Variants in TAF9B observed in about 807,000 individuals in gnomAD.
TAF9B encodes TATA-box binding protein associated factor 9b.
Under a neutral mutation model 17.6 loss-of-function variants are expected in TAF9B, and 47 were observed. The ratio of observed to expected loss-of-function variants is 2.68; its 90% CI spans 2.12 to 3.41. The LOEUF is 3.41. TAF9B is among the 30% of genes most tolerant of loss of function. The pLI is 0.00. For synonymous variants in TAF9B, 84 were observed against 68.7 expected (o/e 1.22, Z -1.10); for missense variants, 218 against 189.3 (o/e 1.15, Z -0.89).
chrX:78,133,530 T>G, intron 5 of TAF9B, 82 bp from the exon 6 acceptor site: 1 of 700,457 alleles, frequency 1.4e-6, no homozygotes, highest in Non-Finnish European at 2.2e-6. Flanking sequence ...GCAAACTATC[T>G]TCAAAGCAAA....
chrX:78,139,115 ATTTTT>A (rs782191362), intron 1 of TAF9B, among the ~76,000 whole-genome samples, 191 bp from the exon 2 acceptor site: 1,422 of 110,570 alleles, frequency 0.013, 20 homozygotes, highest in African/African-American at 0.045. Flanking sequence ...GAAAACTTTT[ATTTTT>A]ATTTTTTGGC....
At position 78,137,600 on chromosome X, in the gene TAF9B, C is replaced by T. The variant is rs965917103; in HGVS notation, c.405+149G>A. ...AGTTAGATGAACACTAAAGTTCCAT[C>T]TAGCTCGAAAATTTTTTAAAATTAA... On this transcript the variant is annotated intron_variant, in intron 4 of 6. Coordinates refer to ENST00000341864, the MANE Select transcript of TAF9B (RefSeq NM_015975.5). 1.0e-5 allele frequency: 5 copies of T among 490,952 alleles called. No individual in the cohort carries two copies. In the Admixed American group the frequency reaches 2.0e-4, roughly 20 times the overall value. The allele number at this position is 490,952 out of a possible 1,213,427, so 40.5% of individuals were successfully genotyped here. A position where few individuals can be genotyped will look rare whatever the true frequency, so the allele number is the denominator to read the frequency against.
chrX:78,133,529 C>A, intron 5 of TAF9B, 81 bp from the exon 6 acceptor site: 2 of 694,965 alleles, frequency 2.9e-6, no homozygotes, highest in Non-Finnish European at 4.5e-6. Flanking sequence ...CGCAAACTAT[C>A]TTCAAAGCAA....
intron 1 of TAF9B, 126 bp from the exon 2 acceptor site, chrX:78,139,050 C>G (rs1557250423): frequency 4.0e-6 from 2 of 504,456 alleles, no homozygotes; most frequent in Admixed American, 3.9e-5. Flanking sequence ...CCTACTCACC[C>G]TTGCCCTCCC....
intron 5 of TAF9B, among the ~76,000 whole-genome samples, chrX:78,135,093 C>T (rs1188868975): frequency 1.9e-5 from 2 of 104,415 alleles, no homozygotes; most frequent in African/African-American, 7.0e-5. Context: ...GCTGGGATTA[C>T]AGGCACCCGC....
rs782620869 is a variant in TAF9B at position 78,131,685 on chromosome X, C to T, written c.681G>A (p.Ser227=). ...TTGCTTCATTGGCTGTGTTCTGTGA[C>T]GAAACCATGTTGGTGGTAATAAGAA... The part of the protein sequence containing the change: ...KNILITTNMV[S]SQNTANEANP... Residue 227 remains serine, a synonymous_variant, in exon 7 of 7, where the codon TCG becomes TCA. Transcript: ENST00000341864. The T allele has an allele frequency of 1.3e-5, 16 of 1,208,465 alleles. No individual in the cohort carries two copies. The highest frequency in any genetic ancestry group is 3.5e-5 in the South Asian group (2 of 56,759).
chrX:78,131,753 G>A lies in TAF9B; in HGVS notation c.613C>T (p.Gln205Ter). ...VKPVPATTAV[Q>*]NVLINPSMIG... ...ATTGAAGGATTAATCAGAACATTTT[G>A]AACTGCAGTTGTTGCAGGAACTGTA... The change falls in exon 7 of 7, where the codon CAA becomes TAA. Residue 205 changes from glutamine to a stop codon, truncating the protein, a stop_gained. Transcript: ENST00000341864. LOFTEE classifies it high-confidence loss of function. 8.3e-7 allele frequency: 1 copy of A among 1,207,423 alleles called. No individual in the cohort carries two copies. The highest frequency in any genetic ancestry group is 1.1e-6 in the Non-Finnish European group (1 of 893,377).
chrX:78,137,090 G>A, intron 4 of TAF9B, 100 bp from the exon 5 acceptor site: 1 of 599,643 alleles, frequency 1.7e-6, no homozygotes, highest in Non-Finnish European at 2.6e-6. Flanking sequence ...GATAATCCAT[G>A]GCAAGAAAGT....
Position 78,138,858 on chromosome X carries a change from A to G in TAF9B, c.118T>C (p.Leu40=), listed in dbSNP as rs782422204. 8 of 1,205,510 alleles carry G rather than the reference A, an allele frequency of 6.6e-6. No individual in the cohort carries two copies. The highest frequency in any genetic ancestry group is 4.6e-4 in the Middle Eastern group (2 of 4,362). Residue 40 remains leucine (L), a synonymous_variant, in exon 2 of 7, where the codon TTG becomes CTG. Coordinates refer to ENST00000341864, the MANE Select transcript of TAF9B (RefSeq NM_015975.5). The part of the protein sequence containing the change: ...EYEPRVINQM[L]EFAFRYVTTI... The stretch of plus-strand genomic sequence containing the variant: ...ATTAACTTACGGAAAGCAAATTCCA[A>G]CATTTGATTTATAACCCTTGGTTCA...
Position 78,137,770 on chromosome X carries a change from C to T in TAF9B, c.384G>A (p.Arg128=), listed in dbSNP as rs145287115. Residue 128 remains arginine (R), a synonymous_variant, in exon 4 of 7, where the codon AGG becomes AGA. Transcript: ENST00000341864. ...TTACCTTTTTAATTAAGGACTTCAG[C>T]CTATAGTTTGGAGCTGTTAAGCAGT... ...DRYCLTAPNY[R]LKSLIKKGPN... is the part of the protein sequence containing the mutation. 6.7e-6 allele frequency: 8 copies of T among 1,193,974 alleles called. No homozygotes were observed. Among genetic ancestry groups the T allele is most frequent in the Non-Finnish European group, 9.0e-6 (8 of 891,096 alleles).
intron 5 of TAF9B, among the ~76,000 whole-genome samples, chrX:78,133,785 C>A (rs1338600760): frequency 2.7e-5 from 3 of 110,717 alleles, no homozygotes; most frequent in Non-Finnish European, 5.7e-5. Context: ...GATATATCAC[C>A]CATTTCATAT....
At chrX:78,136,062 T>TA (rs1480769345) in intron 5 of TAF9B, among the ~76,000 whole-genome samples, 1 of 111,353 alleles carries the variant, frequency 9.0e-6, no homozygotes, top group Non-Finnish European at 1.9e-5. Flanking sequence ...GGACTCAAGT[T>TA]ATAAGCAATA....
rs782325785 is a variant in TAF9B, at chrX:78,131,724, A to G, written c.642T>C (p.Ile214=). Residue 214 remains isoleucine, a synonymous_variant, in exon 7 of 7, where the codon ATT becomes ATC. Transcript: ENST00000341864. The part of the protein sequence containing the change: ...VQNVLINPSM[I]GPKNILITTN... Reference sequence around the variant, plus strand: ...TGGTAATAAGAATATTTTTGGGCCCAATCATTGAAGGATTAATCAGAACAT... The same window carrying G: ...TGGTAATAAGAATATTTTTGGGCCCGATCATTGAAGGATTAATCAGAACAT... 6 of 1,211,049 alleles carry G rather than the reference A, an allele frequency of 5.0e-6. No individual in the cohort carries two copies. The South Asian group carries it at 5.3e-5, about 11-fold the overall frequency.
chrX:78,130,882 C>T lies in TAF9B; in HGVS notation c.*728G>A, dbSNP rs1167290746. The T allele has an allele frequency of 8.9e-6, 1 of 112,036 alleles. No homozygotes were observed. The highest frequency in any genetic ancestry group is 1.9e-5 in the Non-Finnish European group (1 of 53,215). The allele number at this position is 112,036 out of a possible 1,213,427, so 9.2% of individuals were successfully genotyped here. On this transcript the variant is annotated 3_prime_UTR_variant, in exon 7 of 7. Coordinates refer to ENST00000341864, the MANE Select transcript of TAF9B (RefSeq NM_015975.5). ...GTGAAAAACAGCAAATGCAAACCATCAGGTTAAAGTGAATCACAAAACATT... is the reference window on the plus strand; with the variant it reads ...GTGAAAAACAGCAAATGCAAACCATTAGGTTAAAGTGAATCACAAAACATT...
Position 78,131,560 on chromosome X carries a change from G to A in TAF9B, c.*50C>T. On this transcript the variant is annotated 3_prime_UTR_variant, in exon 7 of 7. Coordinates refer to ENST00000341864, the MANE Select transcript of TAF9B (RefSeq NM_015975.5). ...AGAATATTCTAGTTCAGTATACTGG[G>A]CTCAAAACCAACTTTCCTTTTGAAA... 6 of 1,103,521 alleles carry A rather than the reference G, an allele frequency of 5.4e-6. No homozygotes were observed. Among genetic ancestry groups the A allele is most frequent in the African/African-American group, 1.8e-5 (1 of 55,527 alleles). The allele number at this position is 1,103,521 out of a possible 1,213,427, so 90.9% of individuals were successfully genotyped here.
rs1808087 is a variant in TAF9B at position 78,131,305 on chromosome X, C to T, written c.*305G>A. 769 of 162,783 alleles carry T rather than the reference C, an allele frequency of 4.7e-3. 5 individuals are homozygous for T. Among genetic ancestry groups the T allele is most frequent in the Non-Finnish European group, 7.2e-3 (626 of 87,042 alleles). 13.4% of individuals were successfully genotyped at this position (162,783 alleles called of 1,213,427 possible). ...AAATCTGCTGACTAGGCTGTAGAAT[C>T]TGAAACTTAAATGCTACTATCAGTG... is the stretch of plus-strand genomic sequence containing the variant. On this transcript the variant is annotated 3_prime_UTR_variant, in exon 7 of 7. Transcript: ENST00000341864.
In TAF9B at chrX:78,137,960, A is replaced by T; in HGVS notation, c.270+2T>A. ...AATAACTTCAAATCAAAGTTTGCTC[A>T]CATCTCTTGGGGGAGGAGAGGTAAA... On this transcript the variant is annotated splice_donor_variant, in intron 3 of 6. Transcript: ENST00000341864. LOFTEE classifies it high-confidence loss of function. 1 of 1,205,673 alleles carries T rather than the reference A, an allele frequency of 8.3e-7. No homozygotes were observed. The highest frequency in any genetic ancestry group is 1.1e-6 in the Non-Finnish European group (1 of 893,630).
chrX:78,129,952 G>C lies in TAF9B; in HGVS notation c.*1658C>G, dbSNP rs2078402097. 8.9e-6 allele frequency: 1 copy of C among 112,240 alleles called. No individual in the cohort carries two copies. The highest frequency in any genetic ancestry group is 9.5e-5 in the Admixed American group (1 of 10,523). 9.2% of individuals were successfully genotyped at this position (112,240 alleles called of 1,213,427 possible). On this transcript the variant is annotated 3_prime_UTR_variant, in exon 7 of 7. Coordinates refer to ENST00000341864, the MANE Select transcript of TAF9B (RefSeq NM_015975.5). ...AAGTAAGGTCACACAGTTGGTAAAT[G>C]ATGGAGCTAGGACTAGAACCTAGGC...
At chrX:78,138,742 G>A in intron 2 of TAF9B, 101 bp downstream of exon 2, 1 of 697,911 alleles carries the variant, frequency 1.4e-6, no homozygotes. Flanking sequence ...GCAACAGCGA[G>A]TCCCTGTCTC....
Sources: allele counts gnomAD v4.1 joint callset (sites outside exome capture counted in the v4.1 genomes callset), GRCh38; gene constraint gnomAD v4.1.1; transcripts MANE v1.5; gene names NCBI Gene and HGNC (gene_info 2026-07-23, HGNC 2026-07-21).